ERCC6L2: variants seen among roughly 807,000 people sequenced by gnomAD.
ERCC6L2 encodes ERCC excision repair 6 like 2.
ERCC6L2 carries 77 observed loss-of-function variants against 132.0 expected under a neutral mutation model. That is an observed-to-expected ratio of 0.58 (90% confidence interval 0.49 to 0.71). The LOEUF is 0.71. ERCC6L2 is among the 30% of genes least tolerant of loss of function. The pLI, the probability that ERCC6L2 is intolerant of heterozygous loss-of-function variation, is 0.00. For missense variants in ERCC6L2, 1,542 were observed against 1,837.6 expected (o/e 0.84, Z 2.94); for synonymous variants, 583 against 632.4 (o/e 0.92, Z 1.17).
intron 19 of ERCC6L2, among the ~76,000 whole-genome samples, chr9:96,024,220 C>T (rs1195678513): frequency 6.6e-6 from 1 of 152,226 alleles, no homozygotes; most frequent in Non-Finnish European, 1.5e-5. Flanking sequence ...GCTTGCACCA[C>T]GTAACCCCAA....
At chr9:95,966,947 G>A in intron 14 of ERCC6L2, 1 of 322,438 alleles carries the variant, frequency 3.1e-6, no homozygotes, top group East Asian at 4.9e-5. Flanking sequence ...TATATGCTGG[G>A]TAGTATGAAC....
intron 13 of ERCC6L2, among the ~76,000 whole-genome samples, chr9:95,963,147 CTGTGTGTG>C (rs34128119): frequency 0.011 from 1,630 of 148,572 alleles, 17 homozygotes; most frequent in South Asian, 0.035. Flanking sequence ...GTCATCTCGT[CTGTGTGTG>C]TGTGTGTGTG....
intron 6 of ERCC6L2, chr9:95,918,518 T>A: frequency 2.0e-6 from 1 of 493,618 alleles, no homozygotes; most frequent in Admixed American, 2.1e-5. Context: ...CATACCTACT[T>A]GCTAAAGACA....
chr9:95,908,224 CTG>C (rs1829174929), intron 4 of ERCC6L2, among the ~76,000 whole-genome samples: 1 of 152,104 alleles, frequency 6.6e-6, no homozygotes, highest in Admixed American at 6.6e-5. Context: ...CAGAATGTAA[CTG>C]TGTTTAGAGA....
intron 2 of ERCC6L2, among the ~76,000 whole-genome samples, chr9:95,891,824 T>G (rs1441515890): frequency 6.6e-6 from 1 of 152,188 alleles, no homozygotes; most frequent in Non-Finnish European, 1.5e-5. Context: ...TTCATGTGCT[T>G]TTTTGGCCCT....
At chr9:95,933,456 A>G (rs1050427775) in intron 11 of ERCC6L2, among the ~76,000 whole-genome samples, 2 of 152,170 alleles carry the variant, frequency 1.3e-5, no homozygotes, top group African/African-American at 2.4e-5. Context: ...TTGGGTTTGA[A>G]TCGAGACACT....
chr9:95,939,499 A>T (rs1830703330), intron 11 of ERCC6L2, among the ~76,000 whole-genome samples: 1 of 151,914 alleles, frequency 6.6e-6, no homozygotes, highest in Admixed American at 6.6e-5. Context: ...ATGGTTTCTG[A>T]TGTTTCTCTC....
intron 4 of ERCC6L2, 67 bp downstream of exon 4, chr9:95,907,338 G>GTT (rs36115321): frequency 0.055 from 29,350 of 536,820 alleles, 1 homozygote; most frequent in South Asian, 0.082. Context: ...TATATTAAGA[G>GTT]TTTTTTTTTT....
At chr9:95,929,367 T>G (rs1182078591) in intron 11 of ERCC6L2, among the ~76,000 whole-genome samples, 1 of 152,192 alleles carries the variant, frequency 6.6e-6, no homozygotes, top group Non-Finnish European at 1.5e-5. Context: ...GAATATCCCT[T>G]TAAGACCTTT....
Position 95,888,263 on chromosome 9 carries a change from C to G in ERCC6L2, c.471+6970C>G, listed in dbSNP as rs367784432. ...TAAGGGAAGGTTTATGCCCTTTTTC[C>G]CAGCCTCAGATTTACTCAGTATGTC... is the stretch of plus-strand genomic sequence containing the variant. On this transcript the variant is annotated intron_variant, in intron 2 of 18. Coordinates refer to ENST00000653738, the MANE Select transcript of ERCC6L2 (RefSeq NM_020207.7). 2.6e-4 allele frequency among the ~76,000 whole-genome samples: 40 copies of G among 152,024 alleles called. 1 individual carries two copies. The Middle Eastern group carries it at 0.014, about 52-fold the overall frequency.
In ERCC6L2 at chr9:95,953,761, G is replaced by A. The variant is rs185578654; in HGVS notation, c.1848-2153G>A. 4.7e-3 allele frequency among the ~76,000 whole-genome samples: 713 copies of A among 151,814 alleles called. 9 individuals carry two copies. The highest frequency in any genetic ancestry group is 0.016 in the African/African-American group (659 of 41,434). On this transcript the variant is annotated intron_variant, in intron 12 of 18. Transcript: ENST00000653738. ...TATTACATTATTAAGATAAAAATAAGAACATAATATAAATTGTAACTAATT... is the reference window on the plus strand; with the variant it reads ...TATTACATTATTAAGATAAAAATAAAAACATAATATAAATTGTAACTAATT...
At chr9:96,033,166 G>C (rs1227045604) in intron 19 of ERCC6L2, among the ~76,000 whole-genome samples, 1 of 151,974 alleles carries the variant, frequency 6.6e-6, no homozygotes, top group Admixed American at 6.6e-5. Flanking sequence ...TTTCCATTAG[G>C]ATTTAGGCCC....
chr9:95,933,908 G>A (rs1830450712), intron 11 of ERCC6L2, among the ~76,000 whole-genome samples: 1 of 151,202 alleles, frequency 6.6e-6, no homozygotes, highest in Non-Finnish European at 1.5e-5. Flanking sequence ...AAAATACCTT[G>A]CATAGTTCCT....
At chr9:96,031,170 A>G (rs1254973112) in intron 19 of ERCC6L2, among the ~76,000 whole-genome samples, 1 of 152,230 alleles carries the variant, frequency 6.6e-6, no homozygotes, top group Non-Finnish European at 1.5e-5. Flanking sequence ...CTGTGCAAGC[A>G]AGGTGCTGTG....
Position 96,013,207 on chromosome 9 carries a change from T to C in ERCC6L2, c.*4T>C, listed in dbSNP as rs2133228995. ...CAATACACAGAGTACCACATAAGCA[T>C]ATAAATGAATTACTGCACCAGTAAA... On this transcript the variant is annotated 3_prime_UTR_variant, in exon 19 of 19. Coordinates refer to ENST00000653738, the MANE Select transcript of ERCC6L2 (RefSeq NM_020207.7). 7.4e-7 allele frequency: 1 copy of C among 1,345,092 alleles called. No individual in the cohort carries two copies. The highest frequency in any genetic ancestry group is 9.9e-7 in the Non-Finnish European group (1 of 1,013,170). 83.3% of individuals were successfully genotyped at this position (1,345,092 alleles called of 1,614,324 possible). A position where few individuals can be genotyped will look rare whatever the true frequency, so the allele number is the denominator to read the frequency against.
intron 16 of ERCC6L2, among the ~76,000 whole-genome samples, chr9:95,976,211 T>G (rs75278171): frequency 0.014 from 2,184 of 152,262 alleles, 48 homozygotes; most frequent in African/African-American, 0.049. Context: ...CCTCTCGCTC[T>G]CTCTCCCTTG....
intron 19 of ERCC6L2, among the ~76,000 whole-genome samples, chr9:96,026,451 G>A (rs1248862920): frequency 6.6e-6 from 1 of 152,068 alleles, no homozygotes; most frequent in Non-Finnish European, 1.5e-5. Flanking sequence ...GGGGAAGCGC[G>A]GGGAAGCGCG....
chr9:96,002,476 C>T (rs1407332598), intron 17 of ERCC6L2, among the ~76,000 whole-genome samples: 1 of 149,516 alleles, frequency 6.7e-6, no homozygotes, highest in African/African-American at 2.5e-5. Context: ...GGCTGGAATG[C>T]AGTGGCACGA....
intron 17 of ERCC6L2, among the ~76,000 whole-genome samples, chr9:95,996,027 G>A (rs763276414): frequency 2.0e-5 from 3 of 152,166 alleles, no homozygotes; most frequent in South Asian, 2.1e-4. Flanking sequence ...AAATGATGAC[G>A]CTTCATTAGA....
Sources: gnomAD v4.1 joint callset for allele counts (sites outside exome capture counted in the v4.1 genomes callset) on GRCh38, gnomAD v4.1.1 for gene constraint, MANE v1.5 for transcripts, NCBI Gene and HGNC (gene_info 2026-07-23, HGNC 2026-07-21) for gene names.